The following WDR89 variants were observed in gnomAD, a reference collection of about 807,000 sequenced individuals.
WDR89 encodes the protein WD repeat-containing protein 89.
WDR89 carries 17 observed loss-of-function variants against 29.1 expected under a neutral mutation model. That is an observed-to-expected ratio of 0.58 (90% CI 0.40 to 0.88). The LOEUF (loss-of-function observed/expected upper bound fraction) is 0.88, where lower values mean the gene tolerates loss of function less well. Ranked by LOEUF, WDR89 falls within the 40% of genes least tolerant of loss-of-function variation. WDR89 has a pLI of 0.00. For missense variants in WDR89, 396 were observed against 456.3 expected, an observed-to-expected ratio of 0.87 and a Z score of 1.20; for synonymous variants, 138 against 157.8, an observed-to-expected ratio of 0.87 and a Z score of 0.94.
chr14:63,603,270 A>G (rs1474951976), intron 2 of WDR89, among the ~76,000 whole-genome samples: 1 of 152,064 alleles, frequency 6.6e-6, no homozygotes, highest in Non-Finnish European at 1.5e-5. Flanking sequence ...CTCTACACAC[A>G]CACACACACA....
chr14:63,607,256 G>C (rs949905871), intron 2 of WDR89, among the ~76,000 whole-genome samples: 1 of 151,950 alleles, frequency 6.6e-6, no homozygotes, highest in Non-Finnish European at 1.5e-5. Flanking sequence ...TCTGCCTCCC[G>C]GGTTCACGCC....
chr14:63,610,845 G>C (rs1188199663), intron 2 of WDR89, among the ~76,000 whole-genome samples: 1 of 151,618 alleles, frequency 6.6e-6, no homozygotes, highest in East Asian at 2.0e-4. Context: ...AAGATTACAG[G>C]TATGCACCAC....
intron 2 of WDR89, chr14:63,621,795 T>G (rs1353099176): frequency 1.3e-5 from 2 of 152,198 alleles, no homozygotes; most frequent in Admixed American, 1.3e-4. Flanking sequence ...CCCAACTGAT[T>G]GCTCACAGTC....
chr14:63,608,544 G>A (rs1017087608), intron 2 of WDR89, among the ~76,000 whole-genome samples: 7 of 152,020 alleles, frequency 4.6e-5, no homozygotes, highest in Non-Finnish European at 7.3e-5. Flanking sequence ...TCCCTTTCCT[G>A]TCCCAGGAGG....
At chr14:63,608,759 C>A (rs995447589) in intron 2 of WDR89, among the ~76,000 whole-genome samples, 3 of 151,762 alleles carry the variant, frequency 2.0e-5, no homozygotes, top group East Asian at 1.9e-4. Context: ...ATGCCTTCTG[C>A]CTTTAAGAAG....
At chr14:63,635,066 G>A (rs1475664803) in intron 1 of WDR89, among the ~76,000 whole-genome samples, 2 of 151,216 alleles carry the variant, frequency 1.3e-5, no homozygotes, top group African/African-American at 4.9e-5. Flanking sequence ...TCAAAGAATT[G>A]GTACCAATCC....
rs572555728 is a variant in WDR89 at position 63,612,449 on chromosome 14, C to T, written c.-31-12476G>A. On this transcript the variant is annotated intron_variant, in intron 2 of 2. Coordinates refer to ENST00000620954, the MANE Select transcript of WDR89 (RefSeq NM_080666.4). ...AGAGTGTAGTGGTGGGATCTCTGCT[C>T]ACTGCAACCTCTGCCTCCCGGGTTC... Among the ~76,000 whole-genome samples, 4 of 151,868 alleles carry T rather than the reference C, an allele frequency of 2.6e-5. No homozygotes were observed. The East Asian group carries it at 7.7e-4, about 29-fold the overall frequency.
intron 1 of WDR89, among the ~76,000 whole-genome samples, chr14:63,639,087 A>G (rs1237483694): frequency 2.6e-5 from 4 of 152,196 alleles, no homozygotes; most frequent in South Asian, 2.1e-4. Context: ...CAAGCCAAGG[A>G]AGACAGGCAG....
intron 2 of WDR89, among the ~76,000 whole-genome samples, chr14:63,620,178 G>A (rs757128040): frequency 2.0e-5 from 3 of 152,038 alleles, no homozygotes; most frequent in East Asian, 3.9e-4. Context: ...TTAGCCGAGC[G>A]TGGTGGTGTG....
At position 63,599,450 on chromosome 14, in the gene WDR89, A is replaced by G; in HGVS notation, c.493T>C (p.Tyr165His). Residue 165 changes from tyrosine (Y) to histidine (H), a missense_variant, in exon 3 of 3, where the codon TAT becomes CAT. By Grantham distance (83) the Tyr-to-His change is moderately conservative (BLOSUM62 2). Transcript: ENST00000620954. ...ACATCATCACTATGTGTCTCTGAAT[A>G]TGCACCAAGTGAGTCTTTAGTTGTA... is the stretch of plus-strand genomic sequence containing the variant. ...LSTTKDSLGA[Y>H]SETHSDDVTQ... 1 of 1,614,212 alleles carries G rather than the reference A, an allele frequency of 6.2e-7. No homozygotes were observed.
chr14:63,624,884 G>C (rs569184378), intron 2 of WDR89, 44 bp downstream of exon 2: 11 of 152,248 alleles, frequency 7.2e-5, no homozygotes, highest in African/African-American at 2.6e-4. Context: ...AGCCACTTTG[G>C]AAACTGGTTT....
In WDR89 at chr14:63,617,858, G is replaced by C. The variant is rs118125960; in HGVS notation, c.-32+7070C>G. On this transcript the variant is annotated intron_variant, in intron 2 of 2. Coordinates refer to ENST00000620954, the MANE Select transcript of WDR89 (RefSeq NM_080666.4). The stretch of plus-strand genomic sequence containing the variant: ...TGTGGATGAATCTCAGAATTGGTTA[G>C]ATGCCTGACACAAAAAGGTACTACA... 3.0e-3 allele frequency among the ~76,000 whole-genome samples: 451 copies of C among 152,256 alleles called. 1 individual carries two copies. Among genetic ancestry groups the C allele is most frequent in the Non-Finnish European group, 4.4e-3 (300 of 68,004 alleles).
intron 2 of WDR89, among the ~76,000 whole-genome samples, chr14:63,605,534 A>G (rs1895282419): frequency 2.0e-5 from 3 of 151,686 alleles, no homozygotes; most frequent in East Asian, 1.9e-4. Context: ...ATCTCAGCTC[A>G]CTGCGACCTC....
At chr14:63,606,910 T>C (rs1895347846) in intron 2 of WDR89, among the ~76,000 whole-genome samples, 2 of 152,224 alleles carry the variant, frequency 1.3e-5, no homozygotes, top group African/African-American at 4.8e-5. Context: ...ATTCAAGTTG[T>C]AACTTCAAAA....
chr14:63,609,076 C>G (rs1184119400), intron 2 of WDR89, among the ~76,000 whole-genome samples: 1 of 151,512 alleles, frequency 6.6e-6, no homozygotes, highest in East Asian at 1.9e-4. Flanking sequence ...GGCGCCACTG[C>G]ACTCCAGCCT....
chr14:63,639,880 G>T (rs1294297035), intron 1 of WDR89, among the ~76,000 whole-genome samples: 1 of 152,180 alleles, frequency 6.6e-6, no homozygotes, highest in Non-Finnish European at 1.5e-5. Context: ...CACTTGGGAG[G>T]CTGAGGCAGG....
At chr14:63,601,533 C>A in intron 2 of WDR89, 2 of 1,548,730 alleles carry the variant, frequency 1.3e-6, no homozygotes, top group Non-Finnish European at 8.9e-7. Context: ...GTTTAAGTTT[C>A]TTCCACTCTT....
intron 2 of WDR89, among the ~76,000 whole-genome samples, chr14:63,622,778 G>A (rs915681931): frequency 6.6e-6 from 1 of 151,984 alleles, no homozygotes; most frequent in South Asian, 2.1e-4. Flanking sequence ...AAATAAATAA[G>A]TAAATAAATA....
At chr14:63,615,395 G>A (rs901841683) in intron 2 of WDR89, among the ~76,000 whole-genome samples, 1 of 152,142 alleles carries the variant, frequency 6.6e-6, no homozygotes, top group Non-Finnish European at 1.5e-5. Flanking sequence ...GGTACTACAT[G>A]TTTACTATTT....
Sources: allele counts gnomAD v4.1 joint callset (sites outside exome capture counted in the v4.1 genomes callset), GRCh38; gene constraint gnomAD v4.1.1; transcripts MANE v1.5; gene names NCBI Gene and HGNC (gene_info 2026-07-23, HGNC 2026-07-21).